The following PHKB variants were observed in gnomAD, a reference collection of about 807,000 sequenced individuals.
The protein encoded by PHKB is phosphorylase kinase regulatory subunit beta, also known as phosphorylase b kinase regulatory subunit beta.
A neutral mutation model predicts 152.1 loss-of-function variants in PHKB; 122 were observed. That is an observed-to-expected ratio of 0.80 (90% CI 0.69 to 0.93). The LOEUF (loss-of-function observed/expected upper bound fraction) is 0.93. PHKB is among the 40% of genes least tolerant of loss of function. PHKB has a pLI of 0.00. For missense variants in PHKB, 1,304 were observed against 1,328.4 expected (o/e 0.98, Z 0.29); for synonymous variants, 436 against 464.9 (o/e 0.94, Z 0.80).
intron 14 of PHKB, among the ~76,000 whole-genome samples, chr16:47,616,510 A>T (rs1168980084): frequency 2.7e-5 from 4 of 146,114 alleles, no homozygotes; most frequent in South Asian, 2.1e-4. Context: ...TTTATATGTA[A>T]ATATAAATAT....
intron 20 of PHKB, among the ~76,000 whole-genome samples, chr16:47,654,613 TA>T (rs1262566254): frequency 6.6e-6 from 1 of 152,116 alleles, no homozygotes; most frequent in East Asian, 1.9e-4. Flanking sequence ...CATGGAATAC[TA>T]TGCAGCCATA....
chr16:47,492,663 C>T (rs998062183), intron 1 of PHKB, among the ~76,000 whole-genome samples: 4 of 152,068 alleles, frequency 2.6e-5, no homozygotes, highest in Admixed American at 6.6e-5. Flanking sequence ...TGCTGCTCGC[C>T]CTTCCGTCAC....
intron 1 of PHKB, among the ~76,000 whole-genome samples, chr16:47,494,861 ACTTTTC>A (rs1970205692): frequency 6.6e-6 from 1 of 152,124 alleles, no homozygotes; most frequent in South Asian, 2.1e-4. Context: ...AACATTGATT[ACTTTTC>A]CTTTGACTTA....
Position 47,471,109 on chromosome 16 carries a change from G to A in PHKB, c.76+9683G>A, listed in dbSNP as rs117092665. ...TCATCAGCTCTCTGTCTCCTGCAGG[G>A]TTGAAGTAGGGACTTCAAGGAAAGC... On this transcript the variant is annotated intron_variant, in intron 1 of 30. Coordinates refer to ENST00000323584, the MANE Select transcript of PHKB (RefSeq NM_000293.3). Among the ~76,000 whole-genome samples, 506 of 152,294 alleles carry A rather than the reference G, an allele frequency of 3.3e-3. 2 individuals carry two copies. The highest frequency in any genetic ancestry group is 0.01 in the Middle Eastern group (3 of 294).
rs531717850 is a variant in PHKB at position 47,651,089 on chromosome 16, C to CA, written c.1971+169dup. Among the ~76,000 whole-genome samples, 16 of 152,296 alleles carry CA rather than the reference C, an allele frequency of 1.1e-4. No individual in the cohort carries two copies. The East Asian group carries it at 2.9e-3, about 28-fold the overall frequency. On this transcript the variant is annotated intron_variant, in intron 20 of 30. Coordinates refer to ENST00000323584, the MANE Select transcript of PHKB (RefSeq NM_000293.3). ...TCCAGTTTATCTGATCCCACCAAGT[C>CA]AGATGCTTGAACACTTGCAGCAATT... is the stretch of plus-strand genomic sequence containing the variant.
intron 14 of PHKB, 151 bp from the exon 15 acceptor site, chr16:47,640,884 A>G (rs1391222400): frequency 1.4e-6 from 1 of 722,750 alleles, no homozygotes; most frequent in African/African-American, 1.7e-5. Context: ...AGTGGCGAGC[A>G]AGGAAAGAAA....
chr16:47,628,128 G>A (rs1331139316), intron 14 of PHKB, among the ~76,000 whole-genome samples: 1 of 152,144 alleles, frequency 6.6e-6, no homozygotes, highest in South Asian at 2.1e-4. Flanking sequence ...GCATTTATTT[G>A]TTGGCTCCTT....
chr16:47,577,584 A>T (rs888419001), intron 7 of PHKB, among the ~76,000 whole-genome samples: 3 of 151,958 alleles, frequency 2.0e-5, no homozygotes, highest in Admixed American at 2.0e-4. Context: ...TTCATCTGAG[A>T]TTGTCTTGGT....
At chr16:47,516,055 G>A (rs943701408) in intron 6 of PHKB, among the ~76,000 whole-genome samples, 23 of 151,714 alleles carry the variant, frequency 1.5e-4, no homozygotes, top group African/African-American at 5.1e-4. Flanking sequence ...AGCCTCCAAA[G>A]TATCTGGGAT....
chr16:47,461,317 C>G, upstream of PHKB: 1 of 1,553,346 alleles, frequency 6.4e-7, no homozygotes, highest in Non-Finnish European at 8.8e-7. Flanking sequence ...CAGGCGGCCC[C>G]GGGGGCGGTG....
chr16:47,654,911 C>G lies in PHKB; in HGVS notation c.1971+3990C>G, dbSNP rs182214979. Among the ~76,000 whole-genome samples, 23 of 151,430 alleles carry G rather than the reference C, an allele frequency of 1.5e-4. 1 individual carries two copies. In the East Asian group the frequency reaches 3.5e-3, roughly 23 times the overall value. On this transcript the variant is annotated intron_variant, in intron 20 of 30. Coordinates refer to ENST00000323584, the MANE Select transcript of PHKB (RefSeq NM_000293.3). ...GGCACATGTATACATATGTAACAAACCTGCATGTTGTGCACATGTACCCCA... is the reference window on the plus strand; with the variant it reads ...GGCACATGTATACATATGTAACAAAGCTGCATGTTGTGCACATGTACCCCA...
At position 47,587,676 on chromosome 16, in the gene PHKB, G is replaced by T; in HGVS notation, c.783G>T (p.Ser261=). ...GFNLFGNQGC[S]WSVIFVDLDA... ...TCTTTTTCTCTGTCCAGGGCTGTTC[G>T]TGGTCAGTTATATTTGTGGATCTCG... is the stretch of plus-strand genomic sequence containing the variant. Residue 261 remains serine, a synonymous_variant, in exon 9 of 31, where the codon TCG becomes TCT. Transcript: ENST00000323584. The T allele has an allele frequency of 6.2e-7, 1 of 1,612,094 alleles. No individual in the cohort carries two copies.
At chr16:47,554,302 C>G (rs1971326789) in intron 7 of PHKB, among the ~76,000 whole-genome samples, 1 of 152,174 alleles carries the variant, frequency 6.6e-6, no homozygotes, top group Non-Finnish European at 1.5e-5. Context: ...TTCCCCATGA[C>G]TTTGTTTACA....
At position 47,673,920 on chromosome 16, in the gene PHKB, G is replaced by C. The variant is rs181355596; in HGVS notation, c.2630+4503G>C. Among the ~76,000 whole-genome samples the C allele has an allele frequency of 6.4e-4, 97 of 152,262 alleles. 3 individuals are homozygous for C. Among genetic ancestry groups the C allele is most frequent in the Admixed American group, 5.0e-3 (76 of 15,280 alleles). ...ACATGGGCTGTCTTTGTCAGTAAGT[G>C]GAAGAACTGGGATTTACACCCAGGT... On this transcript the variant is annotated intron_variant, in intron 26 of 30. Transcript: ENST00000323584.
intron 1 of PHKB, among the ~76,000 whole-genome samples, chr16:47,469,059 C>T (rs142123986): frequency 6.6e-6 from 1 of 151,982 alleles, no homozygotes; most frequent in Non-Finnish European, 1.5e-5. Flanking sequence ...ATTTTTCCCC[C>T]TTCTTAGTTT....
chr16:47,673,127 G>A (rs1973665405), intron 26 of PHKB, among the ~76,000 whole-genome samples: 1 of 30,518 alleles, frequency 3.3e-5, no homozygotes, highest in Non-Finnish European at 1.0e-4. Flanking sequence ...GAGCAATCTG[G>A]TATTTTTTTT....
chr16:47,648,680 T>G (rs765183877), intron 17 of PHKB, 64 bp downstream of exon 17: 1 of 990,284 alleles, frequency 1.0e-6, no homozygotes, highest in African/African-American at 1.6e-5. Context: ...GAAATGGTGC[T>G]TGACCTGCTA....
chr16:47,536,995 G>C (rs1970963614), intron 6 of PHKB, among the ~76,000 whole-genome samples: 1 of 152,204 alleles, frequency 6.6e-6, no homozygotes, highest in South Asian at 2.1e-4. Flanking sequence ...TAGAACCCAG[G>C]TTCCTGTCGG....
intron 20 of PHKB, among the ~76,000 whole-genome samples, chr16:47,654,034 G>C (rs1260427775): frequency 6.6e-6 from 1 of 152,154 alleles, no homozygotes; most frequent in Non-Finnish European, 1.5e-5. Context: ...CTCACAAAGA[G>C]TAGTAGATAA....
Sources: gnomAD v4.1 joint callset for allele counts (sites outside exome capture counted in the v4.1 genomes callset) on GRCh38, gnomAD v4.1.1 for gene constraint, MANE v1.5 for transcripts, NCBI Gene and HGNC (gene_info 2026-07-23, HGNC 2026-07-21) for gene names.